The following EXOC5 variants were observed in gnomAD, a reference collection of about 807,000 sequenced individuals.
EXOC5 encodes the protein SEC10-like 1.
Under a neutral mutation model 90.8 loss-of-function variants are expected in EXOC5, and 17 were observed. The ratio of observed to expected loss-of-function variants is 0.19; its 90% confidence interval spans 0.13 to 0.28. EXOC5 has a LOEUF of 0.28. EXOC5 is among the 10% of genes least tolerant of loss of function. EXOC5 has a pLI of 1.00. For missense variants in EXOC5, 569 were observed against 830.6 expected (o/e 0.69, Z 3.87); for synonymous variants, 260 against 270.0 (o/e 0.96, Z 0.36).
At chr14:57,252,474 A>C (rs566016135) in intron 1 of EXOC5, among the ~76,000 whole-genome samples, 28 of 152,322 alleles carry the variant, frequency 1.8e-4, no homozygotes, top group African/African-American at 2.6e-4. Context: ...AAATGTGTGA[A>C]GGGCAGAAAC....
chr14:57,257,243 A>G (rs1884374011), intron 1 of EXOC5, among the ~76,000 whole-genome samples: 1 of 152,216 alleles, frequency 6.6e-6, no homozygotes, highest in African/African-American at 2.4e-5. Flanking sequence ...TGGTGGTGCT[A>G]ATTACTGAGA....
rs531963178 is a variant in EXOC5, at chr14:57,202,520, C to T, written c.*6089G>A. On this transcript the variant is annotated 3_prime_UTR_variant, in exon 18 of 18. Transcript: ENST00000621441. ...ATTTTATTTGTACAGTATTTACAAC[C>T]CTTCTGTTAAGTCTGATTGTTTCAA... The T allele has an allele frequency of 9.5e-4, 144 of 152,228 alleles. No individual in the cohort carries two copies. The highest frequency in any genetic ancestry group is 3.3e-3 in the African/African-American group (137 of 41,530). 9.4% of individuals were successfully genotyped at this position (152,228 alleles called of 1,614,324 possible).
intron 2 of EXOC5, among the ~76,000 whole-genome samples, 178 bp from the exon 3 acceptor site, chr14:57,247,036 G>A (rs2038861): frequency 0.17 from 25,708 of 152,048 alleles, 4,486 homozygotes; most frequent in African/African-American, 0.45. Flanking sequence ...AAGTCTTTCT[G>A]TAATTTCATA....
intron 12 of EXOC5, among the ~76,000 whole-genome samples, chr14:57,226,719 C>G (rs7152967): frequency 0.26 from 39,214 of 152,068 alleles, 12,395 homozygotes; most frequent in African/African-American, 0.76. Flanking sequence ...AAAGGTTCTA[C>G]AGTAATTCAG....
intron 4 of EXOC5, among the ~76,000 whole-genome samples, chr14:57,241,432 C>G (rs1883854638): frequency 6.6e-6 from 1 of 152,134 alleles, no homozygotes; most frequent in Non-Finnish European, 1.5e-5. Flanking sequence ...ACCAATACCC[C>G]CTTAATACCC....
intron 14 of EXOC5, among the ~76,000 whole-genome samples, chr14:57,218,465 A>G (rs1012959752): frequency 1.3e-5 from 2 of 152,094 alleles, no homozygotes; most frequent in African/African-American, 4.8e-5. Context: ...AGAATACAGT[A>G]AATCATACTA....
chr14:57,258,052 C>T (rs1184642214), intron 1 of EXOC5, among the ~76,000 whole-genome samples: 1 of 152,108 alleles, frequency 6.6e-6, no homozygotes, highest in Admixed American at 6.5e-5. Flanking sequence ...TGTTATATTG[C>T]TCCATTAAAC....
At chr14:57,253,609 C>G (rs1189072332) in intron 1 of EXOC5, among the ~76,000 whole-genome samples, 1 of 152,126 alleles carries the variant, frequency 6.6e-6, no homozygotes, top group Non-Finnish European at 1.5e-5. Context: ...TCAAAACTTA[C>G]TACAAAGCTA....
At chr14:57,232,233 G>T (rs796506244) in intron 10 of EXOC5, 1 of 154,186 alleles carries the variant, frequency 6.5e-6, no homozygotes, top group African/African-American at 2.4e-5. Flanking sequence ...AGAGTAATAG[G>T]GTTGGGAAAA....
chr14:57,261,393 G>T (rs1884500614), intron 1 of EXOC5, among the ~76,000 whole-genome samples: 2 of 152,142 alleles, frequency 1.3e-5, no homozygotes, highest in Non-Finnish European at 2.9e-5. Context: ...TTAATGACTT[G>T]CTTATTCCAA....
In EXOC5 at chr14:57,209,751, T is replaced by A; in HGVS notation, c.1754A>T (p.Lys585Ile). The A allele has an allele frequency of 1.9e-6, 3 of 1,612,028 alleles. No homozygotes were observed. In the South Asian group the frequency reaches 3.3e-5, roughly 18 times the overall value. ...GGAATTTTTAATCTTCTCCACTTGT[T>A]TTCTTACGTAAGCACAGACTTTTAC... ...ACVKVCAYVR[K>I]QVEKIKNSMD... is the part of the protein sequence containing the mutation. The change falls in exon 17 of 18, where the codon AAA (lysine) becomes ATA (isoleucine). Residue 585 changes from lysine (K) to isoleucine (I), a missense_variant. By Grantham distance (102) the Lys-to-Ile change is moderately radical. Transcript: ENST00000621441.
At position 57,213,398 on chromosome 14, in the gene EXOC5, T is replaced by A. The variant is rs552764064; in HGVS notation, c.1614-3337A>T. Among the ~76,000 whole-genome samples, 82 of 151,592 alleles carry A rather than the reference T, an allele frequency of 5.4e-4. No individual in the cohort carries two copies. In the Middle Eastern group the frequency reaches 0.01, roughly 19 times the overall value. ...TCATATCTCTAAACAAATTTTTTTT[T>A]ATTTTTATATATTTATTTATTTTTT... On this transcript the variant is annotated intron_variant, in intron 15 of 17. Coordinates refer to ENST00000621441, the MANE Select transcript of EXOC5 (RefSeq NM_006544.4).
chr14:57,238,748 T>C (rs940518850), intron 5 of EXOC5, among the ~76,000 whole-genome samples: 4 of 152,004 alleles, frequency 2.6e-5, no homozygotes, highest in Non-Finnish European at 5.9e-5. Flanking sequence ...TCATTACATG[T>C]TTGGGAGATA....
In EXOC5 at chr14:57,205,135, G is replaced by T. The variant is rs1286006374; in HGVS notation, c.*3474C>A. 2 of 151,894 alleles carry T rather than the reference G, an allele frequency of 1.3e-5. No homozygotes were observed. Among genetic ancestry groups the T allele is most frequent in the Non-Finnish European group, 2.9e-5 (2 of 67,876 alleles). 9.4% of individuals were successfully genotyped at this position (151,894 alleles called of 1,614,324 possible). The stretch of plus-strand genomic sequence containing the variant: ...CTAGAATCCAATAATATGTGCAAAG[G>T]ACTTATTAGCACAGTGTGTGAGACT... On this transcript the variant is annotated 3_prime_UTR_variant, in exon 18 of 18. Coordinates refer to ENST00000621441, the MANE Select transcript of EXOC5 (RefSeq NM_006544.4).
rs767565671 is a variant in EXOC5, at chr14:57,222,380, T to G, written c.1333A>C (p.Arg445=). ...AATTCCACAAGAATGGTAAAAATTC[T>G]GAAGGCATTCCTTGGTAAGTCAGAA... is the stretch of plus-strand genomic sequence containing the variant. ...DPSDLPRNAF[R]IFTILVEFLC... The change falls in exon 13 of 18, where the codon AGA becomes CGA. Residue 445 remains arginine (R), a synonymous_variant. Coordinates refer to ENST00000621441, the MANE Select transcript of EXOC5 (RefSeq NM_006544.4). 2.5e-6 allele frequency: 4 copies of G among 1,601,882 alleles called. No individual in the cohort carries two copies. The African/African-American group carries it at 5.4e-5, about 21-fold the overall frequency.
intron 6 of EXOC5, among the ~76,000 whole-genome samples, chr14:57,236,725 G>T (rs1004475300): frequency 6.6e-6 from 1 of 152,036 alleles, no homozygotes; most frequent in African/African-American, 2.4e-5. Flanking sequence ...GAATATAGAT[G>T]AATCTTTGAA....
At chr14:57,223,744 T>C (rs1199115771) in intron 12 of EXOC5, among the ~76,000 whole-genome samples, 2 of 151,772 alleles carry the variant, frequency 1.3e-5, no homozygotes, top group African/African-American at 4.8e-5. Context: ...CAATACTCCA[T>C]CCAACAACAT....
chr14:57,235,612 G>T (rs1883632811), intron 7 of EXOC5, 99 bp downstream of exon 7: 1 of 632,198 alleles, frequency 1.6e-6, no homozygotes, highest in Non-Finnish European at 2.8e-6. Flanking sequence ...CACTGTGATA[G>T]TTACATAATG....
At chr14:57,225,376 C>T (rs1409737352) in intron 12 of EXOC5, among the ~76,000 whole-genome samples, 2 of 152,164 alleles carry the variant, frequency 1.3e-5, no homozygotes, top group Admixed American at 6.5e-5. Flanking sequence ...TAGTATCATA[C>T]TTAATGGTGA....
Sources: allele counts gnomAD v4.1 joint callset (sites outside exome capture counted in the v4.1 genomes callset), GRCh38; gene constraint gnomAD v4.1.1; transcripts MANE v1.5; gene names NCBI Gene and HGNC (gene_info 2026-07-23, HGNC 2026-07-21).